ZFYVE26: variants seen among roughly 807,000 people sequenced by gnomAD.
ZFYVE26 encodes zinc finger FYVE-type containing 26.
A neutral mutation model predicts 276.5 loss-of-function variants in ZFYVE26; 181 were observed. That is an observed-to-expected ratio of 0.65 (90% CI 0.58 to 0.74). The LOEUF is 0.74. Among genes scored for constraint, ZFYVE26 ranks in the 30% least tolerant of loss-of-function variants. The pLI is 0.00. For missense variants in ZFYVE26, 2,821 were observed against 3,097.9 expected (o/e 0.91, Z 2.12); for synonymous variants, 1,129 against 1,203.1 (o/e 0.94, Z 1.27).
In ZFYVE26 at chr14:67,747,726, C is replaced by G. The variant is rs991481553; in HGVS notation, c.*710G>C. On this transcript the variant is annotated 3_prime_UTR_variant, in exon 42 of 42. Coordinates refer to ENST00000347230, the MANE Select transcript of ZFYVE26 (RefSeq NM_015346.4). ...TTCCCTCTTGCCCGTGTTAGCCTCA[C>G]AGACCTGATCATTTATACACATACC... 2.0e-5 allele frequency: 3 copies of G among 151,440 alleles called. No individual in the cohort carries two copies. The highest frequency in any genetic ancestry group is 7.3e-5 in the African/African-American group (3 of 41,092). The allele number at this position is 151,440 out of a possible 1,614,324, so 9.4% of individuals were successfully genotyped here.
intron 23 of ZFYVE26, 105 bp downstream of exon 23, chr14:67,780,136 T>G: frequency 8.9e-7 from 1 of 1,123,506 alleles, no homozygotes. Context: ...TAGTTATTTT[T>G]TTAAAAAGTG....
At chr14:67,815,698 T>A (rs2040387135) in intron 2 of ZFYVE26, 72 bp downstream of exon 2, 1 of 1,487,692 alleles carries the variant, frequency 6.7e-7, no homozygotes, top group African/African-American at 1.4e-5. Context: ...GGGGGCACAT[T>A]GACCAATGCC....
At position 67,799,006 on chromosome 14, in the gene ZFYVE26, G is replaced by A; in HGVS notation, c.1640-384C>T. ...GATTTACGGATACTCTCTGCCCTCA[G>A]ATCCTGGGAAAAGTCTATTCCGTTC... On this transcript the variant is annotated intron_variant, in intron 10 of 41. Transcript: ENST00000347230. 6 of 1,145,550 alleles carry A rather than the reference G, an allele frequency of 5.2e-6. 1 individual carries two copies. In the South Asian group the frequency reaches 7.4e-5, roughly 14 times the overall value. The allele number at this position is 1,145,550 out of a possible 1,614,324, so 71.0% of individuals were successfully genotyped here.
intron 36 of ZFYVE26, 39 bp from the exon 37 acceptor site, chr14:67,755,289 A>G: frequency 6.2e-7 from 1 of 1,607,650 alleles, no homozygotes; most frequent in Non-Finnish European, 8.5e-7. Context: ...AAAGTAGATC[A>G]GGGGTTTGGA....
rs371080292 is a variant in ZFYVE26, at chr14:67,798,265, A to G, written c.1997T>C (p.Leu666Ser). ...SYPGPHRHSF[L>S]DLKHFTSGIS... is the part of the protein sequence containing the mutation. ...ACCACTAGTAAAGTGTTTTAAGTCC[A>G]AAAAGCTGTGCCTATGAGGCCCTGG... Residue 666 changes from leucine to serine, a missense_variant, in exon 11 of 42, where the codon TTG (leucine) becomes TCG (serine). Physicochemically the swap from Leu to Ser is moderately radical, Grantham distance 145. Transcript: ENST00000347230. 4 of 1,614,086 alleles carry G rather than the reference A, an allele frequency of 2.5e-6. No individual in the cohort carries two copies. The highest frequency in any genetic ancestry group is 1.3e-5 in the African/African-American group (1 of 74,928).
At chr14:67,796,014 G>C (rs2039944142) in intron 12 of ZFYVE26, among the ~76,000 whole-genome samples, 1 of 152,066 alleles carries the variant, frequency 6.6e-6, no homozygotes, top group Non-Finnish European at 1.5e-5. Flanking sequence ...TAATACTATT[G>C]ACTGATGAGA....
At chr14:67,764,378 G>C (rs1347524408) in intron 32 of ZFYVE26, among the ~76,000 whole-genome samples, 1 of 152,134 alleles carries the variant, frequency 6.6e-6, no homozygotes, top group Non-Finnish European at 1.5e-5. Context: ...ATTTGTAGTA[G>C]GTGGTGAGTT....
At chr14:67,788,522 C>T (rs1334012871) in intron 16 of ZFYVE26, among the ~76,000 whole-genome samples, 1 of 152,190 alleles carries the variant, frequency 6.6e-6, no homozygotes, top group Non-Finnish European at 1.5e-5. Flanking sequence ...CCTGTGTAGC[C>T]ACAGGGAGAG....
chr14:67,731,037 A>G (rs530525530), intron 13 of ZFYVE26, among the ~76,000 whole-genome samples: 114 of 152,226 alleles, frequency 7.5e-4, no homozygotes, highest in African/African-American at 2.6e-3. Context: ...TGATTTTGCT[A>G]TTTGTGGGTT....
intron 31 of ZFYVE26, among the ~76,000 whole-genome samples, chr14:67,767,176 C>T (rs371150653): frequency 6.6e-6 from 1 of 152,130 alleles, no homozygotes; most frequent in African/African-American, 2.4e-5. Context: ...TCCTAAAGCA[C>T]ACTTGGAAAC....
rs769794304 is a variant in ZFYVE26, at chr14:67,766,440, C to G, written c.5798G>C (p.Ser1933Thr). ...RSEFYYEQAP[S>T]ASLCIAILNL... ...CAGGATGGCAATGCACAAGGAGGCG[C>G]TGGGGGCCTGGCCGGGGTGGAAGAA... The change falls in exon 32 of 42, where the codon AGC (serine) becomes ACC (threonine). Residue 1933 changes from serine to threonine, a missense_variant. Transcript: ENST00000347230. The G allele has an allele frequency of 1.5e-5, 24 of 1,611,986 alleles. 1 individual carries two copies. The highest frequency in any genetic ancestry group is 1.9e-5 in the Non-Finnish European group (23 of 1,179,922).
In ZFYVE26 at chr14:67,784,408, G is replaced by C. The variant is rs1488199182; in HGVS notation, c.3552C>G (p.Pro1184=). The change falls in exon 20 of 42, where the codon CCC becomes CCG. Residue 1184 remains proline (P), a synonymous_variant. Coordinates refer to ENST00000347230, the MANE Select transcript of ZFYVE26 (RefSeq NM_015346.4). ...PDHVEVKVGN[P]FVLLQQSSSQ... ...AAGAGCTCTGTTGCAGCAGAACAAA[G>C]GGATTTCCTACCTTGACCTCCACAT... The C allele has an allele frequency of 6.2e-7, 1 of 1,613,960 alleles. No individual in the cohort carries two copies. The highest frequency in any genetic ancestry group is 1.7e-5 in the Admixed American group (1 of 60,000).
rs1171265652 is a variant in ZFYVE26, at chr14:67,759,244, GAAAAAAAAAAAA to G, written c.6588+2110_6588+2121del. ...TGGGCGACAGAGCCAGACTCTGTCT[GAAAAAAAAAAAA>G]AAAAAAAAAAGGAAAACACAGAAAG... On this transcript the variant is annotated intron_variant, in intron 35 of 41. Transcript: ENST00000347230. 3.7e-5 allele frequency among the ~76,000 whole-genome samples: 3 copies of G among 81,644 alleles called. 1 individual carries two copies. In the Admixed American group the frequency reaches 4.5e-4, roughly 12 times the overall value. 53.6% of individuals were successfully genotyped at this position (81,644 alleles called of 152,430 possible).
rs145094388 is a variant in ZFYVE26 at position 67,772,098 on chromosome 14, C to T, written c.5433G>A (p.Pro1811=). The part of the protein sequence containing the change: ...ATPPARHQWV[P]DETESICMVC... ...CCATGCAGATACTCTCAGTCTCATC[C>T]GGTACCCACTGGTGCCTGGCAGGGG... is the stretch of plus-strand genomic sequence containing the variant. The change falls in exon 28 of 42, where the codon CCG becomes CCA. Residue 1811 remains proline, a synonymous_variant. Coordinates refer to ENST00000347230, the MANE Select transcript of ZFYVE26 (RefSeq NM_015346.4). 93 of 1,612,284 alleles carry T rather than the reference C, an allele frequency of 5.8e-5. No homozygotes were observed. The African/African-American group carries it at 8.0e-4, about 14-fold the overall frequency.
chr14:67,787,300 G>A (rs2039684128), intron 16 of ZFYVE26, among the ~76,000 whole-genome samples: 1 of 151,978 alleles, frequency 6.6e-6, no homozygotes, highest in Non-Finnish European at 1.5e-5. Context: ...AGGCTGCAGT[G>A]AGCCGAGATG....
Position 67,777,572 on chromosome 14 carries a change from T to C in ZFYVE26, c.4961A>G (p.Tyr1654Cys). ...GTGTATCCTTACCTTGGATCCCACA[T>C]ACAGCGCCTGGATTTCACGGTGTCG... ...AVRHREIQAL[Y>C]VGSKILLTLP... The change falls in exon 25 of 42, where the codon TAT becomes TGT. Residue 1654 changes from tyrosine to cysteine, a missense_variant. By Grantham distance (194) the Tyr-to-Cys change is radical (BLOSUM62 -2). Coordinates refer to ENST00000347230, the MANE Select transcript of ZFYVE26 (RefSeq NM_015346.4). The C allele has an allele frequency of 6.2e-7, 1 of 1,614,072 alleles. No homozygotes were observed. Among genetic ancestry groups the C allele is most frequent in the South Asian group, 1.1e-5 (1 of 91,076 alleles).
chr14:67,767,965 C>G (rs2039102535), intron 30 of ZFYVE26, 125 bp from the exon 31 acceptor site: 1 of 1,364,588 alleles, frequency 7.3e-7, no homozygotes, highest in Non-Finnish European at 1.0e-6. Context: ...TTTCTCTCTC[C>G]TTGGTTCCTT....
intron 37 of ZFYVE26, among the ~76,000 whole-genome samples, chr14:67,754,677 G>C (rs2038732580): frequency 6.6e-6 from 1 of 152,234 alleles, no homozygotes; most frequent in Non-Finnish European, 1.5e-5. Flanking sequence ...AAAGCTGAGA[G>C]GAATTAAGGA....
Position 67,772,027 on chromosome 14 carries a change from T to C in ZFYVE26, c.5484+20A>G. ...CTTTACCTTCTCCTGAGGGTGACAG[T>C]GGAGACCGATGCTGCTTACCATGGT... is the stretch of plus-strand genomic sequence containing the variant. On this transcript the variant is annotated intron_variant, in intron 28 of 41. Coordinates refer to ENST00000347230, the MANE Select transcript of ZFYVE26 (RefSeq NM_015346.4). 4 of 1,609,174 alleles carry C rather than the reference T, an allele frequency of 2.5e-6. No homozygotes were observed. Among genetic ancestry groups the C allele is most frequent in the Non-Finnish European group, 3.4e-6 (4 of 1,178,512 alleles).
Sources: allele counts gnomAD v4.1 joint callset (sites outside exome capture counted in the v4.1 genomes callset), GRCh38; gene constraint gnomAD v4.1.1; transcripts MANE v1.5; gene names NCBI Gene and HGNC (gene_info 2026-07-23, HGNC 2026-07-21).